POU6F1: variants seen among roughly 807,000 people sequenced by gnomAD.
POU6F1 encodes the protein POU domain, class 6, transcription factor 1.
A neutral mutation model predicts 28.9 loss-of-function variants in POU6F1; 9 were observed. That is an observed-to-expected ratio of 0.31 (90% confidence interval 0.19 to 0.54). The LOEUF (loss-of-function observed/expected upper bound fraction) is 0.54. Among genes scored for constraint, POU6F1 ranks in the 20% least tolerant of loss-of-function variants. POU6F1 has a pLI of 0.94. For synonymous variants in POU6F1, 173 were observed against 171.1 expected (o/e 1.01, Z -0.09); for missense variants, 338 against 426.1 (o/e 0.79, Z 1.82).
chr12:51,196,723 G>GC, intron 7 of POU6F1, 76 bp downstream of exon 7: 1 of 1,550,138 alleles, frequency 6.5e-7, no homozygotes, highest in Non-Finnish European at 8.9e-7. Context: ...ATGACCCACA[G>GC]CCCAAGACCT....
chr12:51,215,357 C>T (rs1944229335), intron 1 of POU6F1, among the ~76,000 whole-genome samples: 1 of 151,680 alleles, frequency 6.6e-6, no homozygotes, highest in African/African-American at 2.4e-5. Context: ...AAGTTCAAGA[C>T]CAGCTTGGCC....
In POU6F1 at chr12:51,196,866, A is replaced by G. The variant is rs1234103309; in HGVS notation, c.908T>C (p.Val303Ala). 3 of 1,613,914 alleles carry G rather than the reference A, an allele frequency of 1.9e-6. No homozygotes were observed. Among genetic ancestry groups the G allele is most frequent in the Non-Finnish European group, 2.5e-6 (3 of 1,179,946 alleles). Residue 303 changes from valine to alanine, a missense_variant, in exon 7 of 11, where the codon GTC becomes GCC. Coordinates refer to ENST00000333640, the MANE Select transcript of POU6F1 (RefSeq NM_001330422.2). Reference sequence around the variant, plus strand: ...CATGCTGGGAATGGCGCTGGTAATGACTGGAGCTGTAGTGAGGGACCCCAG... The same window carrying G: ...CATGCTGGGAATGGCGCTGGTAATGGCTGGAGCTGTAGTGAGGGACCCCAG... The part of the protein sequence containing the change: ...QILGSLTTAP[V>A]ITSAIPSMPG...
chr12:51,214,091 G>A (rs1231651822), intron 1 of POU6F1, among the ~76,000 whole-genome samples: 1 of 151,812 alleles, frequency 6.6e-6, no homozygotes, highest in Non-Finnish European at 1.5e-5. Flanking sequence ...GCAGTGAGCC[G>A]AGATCATGCC....
At chr12:51,213,493 C>T (rs961627673) in intron 1 of POU6F1, among the ~76,000 whole-genome samples, 1 of 152,134 alleles carries the variant, frequency 6.6e-6, no homozygotes, top group Non-Finnish European at 1.5e-5. Flanking sequence ...GTATTACTGG[C>T]ATGAGCCACC....
rs1353939901 is a variant in POU6F1 at position 51,217,441 on chromosome 12, G to C, written c.-48+201C>G. Among the ~76,000 whole-genome samples, 2 of 151,968 alleles carry C rather than the reference G, an allele frequency of 1.3e-5. No individual in the cohort carries two copies. The highest frequency in any genetic ancestry group is 4.8e-5 in the African/African-American group (2 of 41,398). On this transcript the variant is annotated intron_variant, in intron 1 of 10. Coordinates refer to ENST00000333640, the MANE Select transcript of POU6F1 (RefSeq NM_001330422.2). The surrounding 1 kb of genome is among the most constrained non-coding windows in gnomAD (Gnocchi z 5.3). ...TGTCTAGCCCCAGCTGGGCAACCGCGCGCTGTCCCGCTCCCGCAGCTCCCC... is the reference window on the plus strand; with the variant it reads ...TGTCTAGCCCCAGCTGGGCAACCGCCCGCTGTCCCGCTCCCGCAGCTCCCC...
intron 3 of POU6F1, among the ~76,000 whole-genome samples, chr12:51,201,165 G>A (rs75231493): frequency 6.6e-6 from 1 of 152,080 alleles, no homozygotes; most frequent in Non-Finnish European, 1.5e-5. Context: ...AACCGCAAAG[G>A]TTCTGTCCAA....
At chr12:51,196,951 C>T (rs2137125331) in intron 6 of POU6F1, 24 bp from the exon 7 acceptor site, 2 of 1,450,454 alleles carry the variant, frequency 1.4e-6, no homozygotes, top group Non-Finnish European at 1.9e-6. Context: ...AAGAGCCTTG[C>T]TCAGAAGCCA....
rs151216353 is a variant in POU6F1 at position 51,192,866 on chromosome 12, C to T, written c.1180-395G>A. 2.8e-3 allele frequency among the ~76,000 whole-genome samples: 431 copies of T among 151,444 alleles called. 1 individual carries two copies. Among genetic ancestry groups the T allele is most frequent in the Middle Eastern group, 0.01 (3 of 292 alleles). ...GTTGCAATGAGCCAAGATCGCGCCA[C>T]TGCACTCCAGACTGGGCGACAGAGT... On this transcript the variant is annotated intron_variant, in intron 8 of 10. Coordinates refer to ENST00000333640, the MANE Select transcript of POU6F1 (RefSeq NM_001330422.2).
At chr12:51,197,364 C>T (rs187586126) in intron 6 of POU6F1, among the ~76,000 whole-genome samples, 2 of 152,168 alleles carry the variant, frequency 1.3e-5, no homozygotes. Context: ...AAGGGCCACA[C>T]TGGAGAGGCT....
Position 51,188,834 on chromosome 12 carries a change from C to A in POU6F1, c.*1413G>T, listed in dbSNP as rs1189138891. The A allele has an allele frequency of 6.6e-6, 1 of 151,776 alleles. No individual in the cohort carries two copies. The highest frequency in any genetic ancestry group is 2.4e-5 in the African/African-American group (1 of 41,266). 9.4% of individuals were successfully genotyped at this position (151,776 alleles called of 1,614,324 possible). A position where few individuals can be genotyped will look rare whatever the true frequency, so the allele number is the denominator to read the frequency against. ...GGTGGTTGACCCCCGTGACTTGGGG[C>A]CCTTTAGGGATAATCTACACCGCAA... On this transcript the variant is annotated 3_prime_UTR_variant, in exon 11 of 11. Transcript: ENST00000333640.
In POU6F1 at chr12:51,217,393, C is replaced by G. The variant is rs1403249868; in HGVS notation, c.-48+249G>C. On this transcript the variant is annotated intron_variant, in intron 1 of 10. Transcript: ENST00000333640. The surrounding 1 kb of genome is among the most constrained non-coding windows in gnomAD (Gnocchi z 5.3). ...CTCCAGGTCCAGAGCGGCCCGCGGG[C>G]GGGCGAGGGCGCGGCCCCCGGGTGT... is the stretch of plus-strand genomic sequence containing the variant. Among the ~76,000 whole-genome samples, 3 of 151,928 alleles carry G rather than the reference C, an allele frequency of 2.0e-5. No homozygotes were observed. Among genetic ancestry groups the G allele is most frequent in the African/African-American group, 4.8e-5 (2 of 41,380 alleles).
At chr12:51,208,689 G>C (rs1471435592) in intron 1 of POU6F1, among the ~76,000 whole-genome samples, 1 of 152,184 alleles carries the variant, frequency 6.6e-6, no homozygotes. Flanking sequence ...GCTCATGCCT[G>C]TAATCCCAGG....
Position 51,217,453 on chromosome 12 carries a change from T to A in POU6F1, c.-48+189A>T, listed in dbSNP as rs990378473. Among the ~76,000 whole-genome samples the A allele has an allele frequency of 1.3e-5, 2 of 151,872 alleles. No homozygotes were observed. Among genetic ancestry groups the A allele is most frequent in the Non-Finnish European group, 1.5e-5 (1 of 67,946 alleles). On this transcript the variant is annotated intron_variant, in intron 1 of 10. Coordinates refer to ENST00000333640, the MANE Select transcript of POU6F1 (RefSeq NM_001330422.2). The surrounding 1 kb of genome is among the most constrained non-coding windows in gnomAD (Gnocchi z 5.3). ...GCTGGGCAACCGCGCGCTGTCCCGC[T>A]CCCGCAGCTCCCCGCCGCCCCGGCC...
chr12:51,196,669 G>A (rs575671449), intron 7 of POU6F1, 130 bp downstream of exon 7: 24 of 1,155,742 alleles, frequency 2.1e-5, no homozygotes, highest in African/African-American at 7.6e-5. Flanking sequence ...GAAAGCCGCC[G>A]CAGAGGAGAT....
chr12:51,192,317 A>G lies in POU6F1; in HGVS notation c.1321+13T>C. ...CCCCACTTCTCCACACTACTTCTCC[A>G]GGAGCCACTTACTGGACACCAACTG... On this transcript the variant is annotated intron_variant, in intron 9 of 10. Coordinates refer to ENST00000333640, the MANE Select transcript of POU6F1 (RefSeq NM_001330422.2). 6.2e-7 allele frequency: 1 copy of G among 1,613,560 alleles called. No homozygotes were observed. The highest frequency in any genetic ancestry group is 1.1e-5 in the South Asian group (1 of 91,008).
intron 1 of POU6F1, among the ~76,000 whole-genome samples, chr12:51,209,596 G>T (rs1285490422): frequency 2.0e-5 from 3 of 152,172 alleles, no homozygotes; most frequent in African/African-American, 7.2e-5. Context: ...TGACTATTGG[G>T]TATAATTTTT....
At chr12:51,203,818 G>A (rs1565621788) in intron 3 of POU6F1, among the ~76,000 whole-genome samples, 1 of 152,152 alleles carries the variant, frequency 6.6e-6, no homozygotes, top group Non-Finnish European at 1.5e-5. Flanking sequence ...TGTTAATGAG[G>A]AAGACTGATG....
intron 8 of POU6F1, among the ~76,000 whole-genome samples, chr12:51,194,120 G>A (rs543405348): frequency 6.6e-6 from 1 of 151,942 alleles, no homozygotes; most frequent in Non-Finnish European, 1.5e-5. Flanking sequence ...TCTGCCTCCC[G>A]GGTTCAAGCA....
intron 3 of POU6F1, chr12:51,202,504 T>C (rs919064603): frequency 6.6e-6 from 1 of 152,000 alleles, no homozygotes; most frequent in African/African-American, 2.4e-5. Flanking sequence ...TATTTATTTA[T>C]TTTTTTAGTA....
Sources: gnomAD v4.1 joint callset for allele counts (sites outside exome capture counted in the v4.1 genomes callset) on GRCh38, gnomAD v4.1.1 for gene constraint, Gnocchi (gnomAD v3.1) non-coding constraint, MANE v1.5 for transcripts, NCBI Gene and HGNC (gene_info 2026-07-23, HGNC 2026-07-21) for gene names.